ELF1: variants seen among roughly 807,000 people sequenced by gnomAD.
ELF1 encodes E74 like ETS transcription factor 1.
ELF1 carries 24 observed loss-of-function variants against 59.9 expected under a neutral mutation model. That is an observed-to-expected ratio of 0.40 (90% CI 0.29 to 0.56). ELF1 has a LOEUF of 0.56. ELF1 is among the 20% of genes least tolerant of loss of function. The pLI is 0.44. For missense variants in ELF1, 627 were observed against 742.2 expected, an observed-to-expected ratio of 0.84 and a Z score of 1.80; for synonymous variants, 248 against 266.2, an observed-to-expected ratio of 0.93 and a Z score of 0.67.
intron 3 of ELF1, among the ~76,000 whole-genome samples, chr13:40,956,028 A>C (rs866488803): frequency 1.5e-3 from 199 of 135,566 alleles, no homozygotes; most frequent in Middle Eastern, 4.3e-3. Flanking sequence ...CCTACTGGGA[A>C]GTGAGGAGCC....
At chr13:40,985,101 C>T (rs1873486161) in intron 1 of ELF1, among the ~76,000 whole-genome samples, 1 of 152,164 alleles carries the variant, frequency 6.6e-6, no homozygotes, top group Admixed American at 6.5e-5. Flanking sequence ...TAGAGAAGTC[C>T]ACAAACTGAA....
In ELF1 at chr13:41,046,470, C is replaced by T. The variant is rs547909203; in HGVS notation, c.-229+14368G>A. Reference sequence around the variant, plus strand: ...GTGCTTCCTTCAGGAGCTCTTGCAGCGCAGGCCTGGTGGTGACAAAATCTC... The same window carrying T: ...GTGCTTCCTTCAGGAGCTCTTGCAGTGCAGGCCTGGTGGTGACAAAATCTC... On this transcript the variant is annotated intron_variant, in intron 1 of 1. Coordinates refer to the ELF1 transcript ENST00000405737. Among the ~76,000 whole-genome samples the T allele has an allele frequency of 5.3e-5, 8 of 152,232 alleles. 1 individual carries two copies. Among genetic ancestry groups the T allele is most frequent in the African/African-American group, 1.7e-4 (7 of 41,526 alleles).
intron 2 of ELF1, among the ~76,000 whole-genome samples, chr13:40,962,930 A>G (rs915786155): frequency 2.6e-5 from 4 of 152,188 alleles, no homozygotes; most frequent in Non-Finnish European, 5.9e-5. Context: ...AGCTTATAAC[A>G]TTTCACGAGA....
At chr13:40,994,054 CTA>C (rs1042366082) in intron 1 of ELF1, among the ~76,000 whole-genome samples, 1 of 151,802 alleles carries the variant, frequency 6.6e-6, no homozygotes, top group Admixed American at 6.6e-5. Context: ...ACTGACTTTT[CTA>C]TGTGTTTGCC....
chr13:40,999,161 T>C (rs1320966706), intron 1 of ELF1, among the ~76,000 whole-genome samples: 1 of 152,142 alleles, frequency 6.6e-6, no homozygotes, highest in Non-Finnish European at 1.5e-5. Flanking sequence ...CTGTGGAAAA[T>C]ATAAAGATAA....
At chr13:40,965,391 G>C (rs905199146) in intron 2 of ELF1, among the ~76,000 whole-genome samples, 3 of 152,170 alleles carry the variant, frequency 2.0e-5, no homozygotes, top group Non-Finnish European at 4.4e-5. Context: ...GGAGGCCGAA[G>C]CGGGTGGATC....
In ELF1 at chr13:40,933,228, T is replaced by G; in HGVS notation, c.*197A>C. 1 of 671,184 alleles carries G rather than the reference T, an allele frequency of 1.5e-6. No homozygotes were observed. Among genetic ancestry groups the G allele is most frequent in the Non-Finnish European group, 2.4e-6 (1 of 425,092 alleles). The allele number at this position is 671,184 out of a possible 1,614,324, so 41.6% of individuals were successfully genotyped here. ...GTGTAAAATGCCTGTTCCTTCACGA[T>G]TGAATTCTGAAACATTTAGATAACA... On this transcript the variant is annotated 3_prime_UTR_variant, in exon 9 of 9. Coordinates refer to ENST00000239882, the MANE Select transcript of ELF1 (RefSeq NM_172373.4).
exon 1 of ELF1, chr13:41,061,358 C>T (rs1188789401): frequency 1.8e-5 from 9 of 487,306 alleles, no homozygotes; most frequent in East Asian, 3.7e-5. Context: ...AGATCCCGTC[C>T]TTCAGCTCAG....
At chr13:41,010,817 T>C (rs568171347) in intron 1 of ELF1, among the ~76,000 whole-genome samples, 9 of 152,294 alleles carry the variant, frequency 5.9e-5, no homozygotes, top group African/African-American at 2.2e-4. Flanking sequence ...TGAAATCTTA[T>C]GACTTCTATT....
chr13:41,054,806 C>T (rs1877226279), intron 1 of ELF1, among the ~76,000 whole-genome samples: 1 of 152,136 alleles, frequency 6.6e-6, no homozygotes, highest in Non-Finnish European at 1.5e-5. Flanking sequence ...AGACATAATC[C>T]TTCCATCCAC....
At chr13:40,935,839 A>AT (rs937985131) in intron 8 of ELF1, among the ~76,000 whole-genome samples, 4 of 151,628 alleles carry the variant, frequency 2.6e-5, no homozygotes, top group African/African-American at 9.7e-5. Context: ...TGCCCAGCTA[A>AT]TTTTTTTGTA....
chr13:40,970,960 C>T (rs1047593933), intron 2 of ELF1, among the ~76,000 whole-genome samples: 5 of 152,030 alleles, frequency 3.3e-5, no homozygotes, highest in East Asian at 1.9e-4. Context: ...ATGTTAAGGA[C>T]GTCATATGGC....
chr13:40,942,625 A>G (rs1789805161), intron 7 of ELF1, among the ~76,000 whole-genome samples: 1 of 152,098 alleles, frequency 6.6e-6, no homozygotes, highest in Non-Finnish European at 1.5e-5. Context: ...GGCTCAGGTG[A>G]TTCTCCCACC....
chr13:41,012,545 C>CTTTT (rs574593869), intron 1 of ELF1, among the ~76,000 whole-genome samples: 1 of 126,578 alleles, frequency 7.9e-6, no homozygotes, highest in Non-Finnish European at 1.7e-5. Context: ...CTTTTCTTTT[C>CTTTT]TTTTTTTTTT....
chr13:41,038,392 C>T (rs1876472566), intron 1 of ELF1, among the ~76,000 whole-genome samples: 1 of 152,152 alleles, frequency 6.6e-6, no homozygotes, highest in Non-Finnish European at 1.5e-5. Flanking sequence ...TGGCTCAAGC[C>T]TATGGTCCCA....
Position 41,050,612 on chromosome 13 carries a change from A to C in ELF1, c.-229+10226T>G, listed in dbSNP as rs887402066. Among the ~76,000 whole-genome samples the C allele has an allele frequency of 8.5e-5, 13 of 152,324 alleles. No homozygotes were observed. The East Asian group carries it at 1.7e-3, about 20-fold the overall frequency. The stretch of plus-strand genomic sequence containing the variant: ...CGCTCTGTCACCCAGTCTGGAGTGC[A>C]GTGGCACAATCTCGGATCGCTGCAA... On this transcript the variant is annotated intron_variant, in intron 1 of 1. Transcript: ENST00000405737.
intron 1 of ELF1, among the ~76,000 whole-genome samples, chr13:41,044,461 C>T (rs374244116): frequency 6.6e-5 from 10 of 152,128 alleles, no homozygotes; most frequent in African/African-American, 2.2e-4. Context: ...TTTTGAGATA[C>T]GTCCCATCAA....
At chr13:41,042,313 TTTA>T (rs954945112) in intron 1 of ELF1, among the ~76,000 whole-genome samples, 27 of 151,948 alleles carry the variant, frequency 1.8e-4, no homozygotes, top group East Asian at 1.9e-4. Flanking sequence ...TCTTTTTTTT[TTTA>T]TTATTATTAT....
chr13:41,008,801 T>A (rs1874892661), intron 1 of ELF1, among the ~76,000 whole-genome samples: 1 of 152,170 alleles, frequency 6.6e-6, no homozygotes, highest in Non-Finnish European at 1.5e-5. Context: ...TGAGGCTGAA[T>A]TTTCTTCATA....
Sources: gnomAD v4.1 joint callset for allele counts (sites outside exome capture counted in the v4.1 genomes callset) on GRCh38, gnomAD v4.1.1 for gene constraint, MANE v1.5 for transcripts, NCBI Gene and HGNC (gene_info 2026-07-23, HGNC 2026-07-21) for gene names.